DTNB: variants seen among roughly 807,000 people sequenced by gnomAD.
DTNB encodes the protein dystrobrevin beta.
DTNB carries 63 observed loss-of-function variants against 90.7 expected under a neutral mutation model. The ratio of observed to expected loss-of-function variants is 0.69; its 90% CI spans 0.57 to 0.86. The LOEUF (loss-of-function observed/expected upper bound fraction) is 0.86, where lower values mean the gene tolerates loss of function less well. DTNB is among the 40% of genes least tolerant of loss of function. The pLI is 0.00. For missense variants in DTNB, 744 were observed against 807.1 expected (o/e 0.92, Z 0.95); for synonymous variants, 277 against 286.7 (o/e 0.97, Z 0.34).
At chr2:25,648,967 C>CAAAA (rs1451016996) in intron 2 of DTNB, among the ~76,000 whole-genome samples, 2 of 137,990 alleles carry the variant, frequency 1.4e-5, no homozygotes, top group African/African-American at 5.3e-5. Flanking sequence ...CCATGAAAAT[C>CAAAA]AAAAACAAGA....
chr2:25,572,389 C>A (rs888711069), intron 8 of DTNB, among the ~76,000 whole-genome samples: 5 of 151,990 alleles, frequency 3.3e-5, no homozygotes, highest in African/African-American at 1.2e-4. Context: ...ATGGCGTGAA[C>A]CCAGGAGGCG....
intron 7 of DTNB, among the ~76,000 whole-genome samples, chr2:25,580,321 G>T (rs1263572337): frequency 1.3e-5 from 2 of 151,862 alleles, no homozygotes; most frequent in African/African-American, 4.8e-5. Flanking sequence ...GTCTCTGCGA[G>T]ATCAGCCTGG....
intron 2 of DTNB, chr2:25,650,175 T>G (rs888699421): frequency 1.0e-6 from 1 of 985,346 alleles, no homozygotes; most frequent in African/African-American, 1.7e-5. Flanking sequence ...GCATGCGTAT[T>G]ACTTAAGGCA....
intron 3 of DTNB, among the ~76,000 whole-genome samples, chr2:25,633,063 T>C (rs1183260849): frequency 6.6e-6 from 1 of 152,188 alleles, no homozygotes; most frequent in Admixed American, 6.5e-5. Context: ...TACAGATAAA[T>C]TAATATGAGT....
intron 5 of DTNB, among the ~76,000 whole-genome samples, chr2:25,603,306 T>C (rs1349481269): frequency 6.6e-6 from 1 of 152,232 alleles, no homozygotes; most frequent in Non-Finnish European, 1.5e-5. Flanking sequence ...TTGAGTTATA[T>C]TTTGGGTTTC....
intron 8 of DTNB, among the ~76,000 whole-genome samples, chr2:25,557,923 G>A (rs959722904): frequency 7.9e-5 from 12 of 152,204 alleles, no homozygotes; most frequent in African/African-American, 2.4e-5. Context: ...AAATGTCCAT[G>A]AGATCTCTGA....
At chr2:25,661,773 A>C (rs923035035) in intron 1 of DTNB, among the ~76,000 whole-genome samples, 9 of 152,244 alleles carry the variant, frequency 5.9e-5, no homozygotes. Flanking sequence ...TACCATTTAT[A>C]TTGGCAAAAA....
chr2:25,386,831 T>C (rs1172752047), intron 18 of DTNB, among the ~76,000 whole-genome samples: 2 of 151,764 alleles, frequency 1.3e-5, no homozygotes, highest in African/African-American at 2.4e-5. Context: ...AGGGAATAGG[T>C]TTCAAAAACA....
intron 5 of DTNB, among the ~76,000 whole-genome samples, chr2:25,600,786 T>G (rs1390371931): frequency 6.6e-6 from 1 of 152,118 alleles, no homozygotes; most frequent in Non-Finnish European, 1.5e-5. Context: ...TAAAAAGGAG[T>G]GACTGGATAG....
intron 10 of DTNB, among the ~76,000 whole-genome samples, chr2:25,464,560 C>T (rs1174614855): frequency 2.0e-5 from 3 of 151,422 alleles, no homozygotes. Context: ...GTAGATACTT[C>T]CCTCTCCAGG....
At chr2:25,621,383 A>G (rs1410693089) in intron 4 of DTNB, among the ~76,000 whole-genome samples, 1 of 150,940 alleles carries the variant, frequency 6.6e-6, no homozygotes, top group Non-Finnish European at 1.5e-5. Flanking sequence ...TGTTTTAAAC[A>G]TTCAGTATTA....
chr2:25,399,417 CACTGCA>C (rs2043167796), intron 16 of DTNB: 1 of 144,776 alleles, frequency 6.9e-6, no homozygotes, highest in Non-Finnish European at 1.5e-5. Flanking sequence ...GATCTTGGCT[CACTGCA>C]ACCTCCACCT....
Position 25,468,808 on chromosome 2 carries a change from A to G in DTNB, c.1080-13314T>C, listed in dbSNP as rs374739384. Among the ~76,000 whole-genome samples, 245 of 152,324 alleles carry G rather than the reference A, an allele frequency of 1.6e-3. 2 individuals are homozygous for G. The highest frequency in any genetic ancestry group is 0.013 in the South Asian group (64 of 4,824). On this transcript the variant is annotated intron_variant, in intron 10 of 20. Transcript: ENST00000406818. Reference sequence around the variant, plus strand: ...ATTTTAGAAAACAGATATAAACTCTAAAGTGTTTACCTATAAGGTCAGAAA... The same window carrying G: ...ATTTTAGAAAACAGATATAAACTCTGAAGTGTTTACCTATAAGGTCAGAAA...
chr2:25,513,149 G>T (rs2074288902), intron 9 of DTNB, among the ~76,000 whole-genome samples: 1 of 152,236 alleles, frequency 6.6e-6, no homozygotes, highest in African/African-American at 2.4e-5. Context: ...TTGCAAAGGT[G>T]CGGAGAAATA....
intron 9 of DTNB, among the ~76,000 whole-genome samples, chr2:25,511,790 C>G (rs1242302267): frequency 6.6e-6 from 1 of 152,106 alleles, no homozygotes; most frequent in Non-Finnish European, 1.5e-5. Flanking sequence ...TCAATAAACT[C>G]TATGGAGAAG....
chr2:25,395,022 A>G (rs1452270173), intron 16 of DTNB, among the ~76,000 whole-genome samples: 1 of 152,250 alleles, frequency 6.6e-6, no homozygotes, highest in Non-Finnish European at 1.5e-5. Flanking sequence ...CAAATGGGAT[A>G]GATACACCAT....
At chr2:25,510,472 G>C (rs1389111573) in intron 9 of DTNB, among the ~76,000 whole-genome samples, 1 of 151,460 alleles carries the variant, frequency 6.6e-6, no homozygotes, top group African/African-American at 2.4e-5. Context: ...CTTATCTGTG[G>C]AGATTACTCA....
In DTNB at chr2:25,419,551, T is replaced by TG. The variant is rs1369536669; in HGVS notation, c.1555-17dup. ...GCTCTTCCTCCTGGAGTGTTGAAGA[T>TG]GAAAAAAAAAGGCAGAGGAAAAAAG... On this transcript the variant is annotated splice_polypyrimidine_tract_variant and intron_variant, in intron 15 of 20. Transcript: ENST00000406818. 70 of 1,546,998 alleles carry TG rather than the reference T, an allele frequency of 4.5e-5. No individual in the cohort carries two copies. The highest frequency in any genetic ancestry group is 6.0e-5 in the Non-Finnish European group (69 of 1,146,418).
At chr2:25,462,364 GC>G (rs61275535) in intron 10 of DTNB, among the ~76,000 whole-genome samples, 3,528 of 152,104 alleles carry the variant, frequency 0.023, 58 homozygotes, top group Non-Finnish European at 0.033. Context: ...GGCAGGACAA[GC>G]CCCTGACCTT....
Sources: allele counts gnomAD v4.1 joint callset (sites outside exome capture counted in the v4.1 genomes callset), GRCh38; gene constraint gnomAD v4.1.1; transcripts MANE v1.5; gene names NCBI Gene and HGNC (gene_info 2026-07-23, HGNC 2026-07-21).